MYO10: variants seen among roughly 807,000 people sequenced by gnomAD.
MYO10 encodes the protein unconventional myosin-X.
MYO10 carries 133 observed loss-of-function variants against 257.3 expected under a neutral mutation model. That is an observed-to-expected ratio of 0.52 (90% CI 0.45 to 0.60). MYO10 has a LOEUF of 0.60. Among genes scored for constraint, MYO10 ranks in the 20% least tolerant of loss-of-function variants. The pLI is 0.00. For missense variants in MYO10, 2,399 were observed against 2,635.7 expected (o/e 0.91, Z 1.97); for synonymous variants, 1,104 against 1,028.6 (o/e 1.07, Z -1.40).
intron 2 of MYO10, among the ~76,000 whole-genome samples, chr5:16,856,662 C>G (rs1047920294): frequency 2.0e-5 from 3 of 152,072 alleles, no homozygotes; most frequent in Admixed American, 6.6e-5. Flanking sequence ...GATGGGGCCT[C>G]TTGTCTTAGA....
intron 4 of MYO10, among the ~76,000 whole-genome samples, chr5:16,784,011 C>T (rs1741499977): frequency 6.6e-6 from 1 of 152,158 alleles, no homozygotes; most frequent in South Asian, 2.1e-4. Context: ...GCTGAGTGTC[C>T]GAGTTGGACT....
chr5:16,847,949 C>A (rs1230583594), intron 2 of MYO10, among the ~76,000 whole-genome samples: 2 of 152,198 alleles, frequency 1.3e-5, no homozygotes, highest in Non-Finnish European at 2.9e-5. Context: ...ATGGTACTCA[C>A]ATGCAAGTGA....
rs113023617 is a variant in MYO10 at position 16,912,023 on chromosome 5, G to A, written c.21+23765C>T. Among the ~76,000 whole-genome samples the A allele has an allele frequency of 3.1e-3, 476 of 151,762 alleles. 1 individual carries two copies. Among genetic ancestry groups the A allele is most frequent in the Non-Finnish European group, 5.4e-3 (367 of 67,920 alleles). On this transcript the variant is annotated intron_variant, in intron 1 of 40. Coordinates refer to ENST00000513610, the MANE Select transcript of MYO10 (RefSeq NM_012334.3). ...GCACTTCAGCCTGGGCAACAAGAAC[G>A]AAATTCCGTCTCCAAAAAAAAAAAT...
chr5:16,864,940 A>G (rs1428824432), intron 2 of MYO10, among the ~76,000 whole-genome samples: 2 of 152,174 alleles, frequency 1.3e-5, no homozygotes, highest in Non-Finnish European at 2.9e-5. Context: ...GTGGTGTTCA[A>G]TCTCTGGAGT....
chr5:16,675,220 A>G (rs888456737), intron 34 of MYO10, 70 bp from the exon 35 acceptor site: 1 of 1,513,028 alleles, frequency 6.6e-7, no homozygotes, highest in Non-Finnish European at 9.0e-7. Context: ...TAATCGGAGC[A>G]GTAGTCAAGA....
rs1491497128 is a variant in MYO10, at chr5:16,663,329, T to TTG, written c.*3362_*3363insCA. On this transcript the variant is annotated 3_prime_UTR_variant, in exon 41 of 41. Transcript: ENST00000513610. The stretch of plus-strand genomic sequence containing the variant: ...AAAAGTAACATTTTACTTCTAGTTG[T>TTG]TTTTTTTTTTTTTTTTTTTTTTTTT... The TTG allele has an allele frequency of 1.0e-4, 2 of 19,568 alleles. No homozygotes were observed. The highest frequency in any genetic ancestry group is 1.5e-3 in the East Asian group (1 of 650). The allele number at this position is 19,568 out of a possible 1,614,324, so 1.2% of individuals were successfully genotyped here. A position where few individuals can be genotyped will look rare whatever the true frequency, so the allele number is the denominator to read the frequency against.
intron 38 of MYO10, among the ~76,000 whole-genome samples, 181 bp downstream of exon 38, chr5:16,671,241 A>T (rs1259731390): frequency 6.6e-6 from 1 of 152,218 alleles, no homozygotes; most frequent in Non-Finnish European, 1.5e-5. Context: ...ACGGAGGTTC[A>T]AATAAAATGT....
intron 10 of MYO10, among the ~76,000 whole-genome samples, chr5:16,766,491 A>G (rs990900282): frequency 1.1e-4 from 17 of 151,472 alleles, no homozygotes; most frequent in African/African-American, 3.6e-4. Context: ...CTGGAGTGCA[A>G]TGATCTCGGT....
In MYO10 at chr5:16,916,937, C is replaced by T. The variant is rs1745837709; in HGVS notation, c.21+18851G>A. On this transcript the variant is annotated intron_variant, in intron 1 of 40. Coordinates refer to ENST00000513610, the MANE Select transcript of MYO10 (RefSeq NM_012334.3). Reference sequence around the variant, plus strand: ...CAAAGAATATAGTGTAGATTGCTAACGTCAGCCCCTTCAATCTTTCTTTCA... The same window carrying T: ...CAAAGAATATAGTGTAGATTGCTAATGTCAGCCCCTTCAATCTTTCTTTCA... Among the ~76,000 whole-genome samples the T allele has an allele frequency of 2.7e-5, 4 of 149,280 alleles. 1 individual carries two copies. In the South Asian group the frequency reaches 8.6e-4, roughly 32 times the overall value.
intron 1 of MYO10, among the ~76,000 whole-genome samples, chr5:16,912,500 T>C (rs923330420): frequency 1.3e-5 from 2 of 152,114 alleles, no homozygotes; most frequent in Admixed American, 1.3e-4. Context: ...ATACTGGTTT[T>C]GAAAAATGCA....
At chr5:16,756,883 T>C (rs1579954856) in intron 18 of MYO10, among the ~76,000 whole-genome samples, 2 of 152,064 alleles carry the variant, frequency 1.3e-5, no homozygotes, top group African/African-American at 4.8e-5. Context: ...GGAGGATCGC[T>C]GGAGGCCAGA....
chr5:16,734,326 T>C (rs1739702662), intron 19 of MYO10, among the ~76,000 whole-genome samples: 1 of 152,198 alleles, frequency 6.6e-6, no homozygotes, highest in Admixed American at 6.5e-5. Flanking sequence ...ATTGCTTCCA[T>C]GAATTTGATA....
In MYO10 at chr5:16,754,812, C is replaced by T. The variant is rs901936699; in HGVS notation, c.1929+16G>A. On this transcript the variant is annotated intron_variant, in intron 19 of 40. Coordinates refer to ENST00000513610, the MANE Select transcript of MYO10 (RefSeq NM_012334.3). ...CCTCGAGACAGATCCCAGCCTAGGACTGTCATCAATCTTACCTTCTGCATG... is the reference window on the plus strand; with the variant it reads ...CCTCGAGACAGATCCCAGCCTAGGATTGTCATCAATCTTACCTTCTGCATG... 1.3e-6 allele frequency: 2 copies of T among 1,574,838 alleles called. No homozygotes were observed. Among genetic ancestry groups the T allele is most frequent in the Non-Finnish European group, 1.7e-6 (2 of 1,152,596 alleles).
chr5:16,819,738 T>C (rs754626927), intron 2 of MYO10, among the ~76,000 whole-genome samples: 1 of 152,226 alleles, frequency 6.6e-6, no homozygotes, highest in Non-Finnish European at 1.5e-5. Context: ...TGGTATGTTA[T>C]TGCAAAGGAG....
chr5:16,838,968 C>G, intron 2 of MYO10, among the ~76,000 whole-genome samples: 1 of 152,138 alleles, frequency 6.6e-6, no homozygotes, highest in South Asian at 2.1e-4. Flanking sequence ...AAAAAGATTT[C>G]TTTCAAAATA....
chr5:16,709,562 G>T (rs1215936543), intron 21 of MYO10, among the ~76,000 whole-genome samples: 1 of 152,034 alleles, frequency 6.6e-6, no homozygotes, highest in Non-Finnish European at 1.5e-5. Flanking sequence ...AGAAAACAGG[G>T]ACTTCAGTCC....
intron 9 of MYO10, among the ~76,000 whole-genome samples, chr5:16,778,905 T>C (rs866670254): frequency 7.9e-5 from 12 of 152,166 alleles, no homozygotes; most frequent in Admixed American, 2.6e-4. Context: ...TTAGCCAGGA[T>C]GGTCTCAATC....
rs547815003 is a variant in MYO10 at position 16,782,610 on chromosome 5, TAAAAAAC to T, written c.602+718_602+724del. The stretch of plus-strand genomic sequence containing the variant: ...GATTTTAAATGGTGTGTTTACATGC[TAAAAAAC>T]AAAAAACAAAAACAGGCTGCAAGAT... On this transcript the variant is annotated intron_variant, in intron 5 of 40. Transcript: ENST00000513610. Among the ~76,000 whole-genome samples, 204 of 152,230 alleles carry T rather than the reference TAAAAAAC, an allele frequency of 1.3e-3. 1 individual carries two copies. The highest frequency in any genetic ancestry group is 0.01 in the Middle Eastern group (3 of 294).
chr5:16,762,968 G>GA (rs35384200), intron 14 of MYO10, among the ~76,000 whole-genome samples: 2,732 of 117,490 alleles, frequency 0.023, 95 homozygotes, highest in East Asian at 0.2. Context: ...CGTCTCAGGG[G>GA]AAAAAAAAAA....
Sources: gnomAD v4.1 joint callset for allele counts (sites outside exome capture counted in the v4.1 genomes callset) on GRCh38, gnomAD v4.1.1 for gene constraint, MANE v1.5 for transcripts, NCBI Gene and HGNC (gene_info 2026-07-23, HGNC 2026-07-21) for gene names.